TUFT1: variants seen among roughly 807,000 people sequenced by gnomAD.
TUFT1 encodes tuftelin 1.
A neutral mutation model predicts 57.8 loss-of-function variants in TUFT1; 43 were observed. The observed-to-expected ratio is 0.74, with a 90% CI of 0.58 to 0.96. The LOEUF (loss-of-function observed/expected upper bound fraction) is 0.96. Among genes scored for constraint, TUFT1 ranks in the 40% least tolerant of loss-of-function variants. TUFT1 has a pLI of 0.00. For synonymous variants in TUFT1, 166 were observed against 176.7 expected (o/e 0.94, Z 0.48); for missense variants, 459 against 489.0 (o/e 0.94, Z 0.58).
At chr1:151,560,958 G>T (rs202133798) in intron 1 of TUFT1, among the ~76,000 whole-genome samples, 23 of 9,272 alleles carry the variant, frequency 2.5e-3, no homozygotes, top group African/African-American at 3.4e-3. Flanking sequence ...GCAAAGTATT[G>T]TGTGTGTGTG....
chr1:151,557,876 G>A (rs547287473), intron 1 of TUFT1: 206 of 730,914 alleles, frequency 2.8e-4, no homozygotes, highest in Non-Finnish European at 4.7e-4. Context: ...GCTGGGGCTG[G>A]GTCAGCAACC....
chr1:151,565,123 C>T (rs1355290486), intron 5 of TUFT1: 1 of 152,790 alleles, frequency 6.5e-6, no homozygotes, highest in African/African-American at 2.4e-5. Flanking sequence ...GTTCACCCCA[C>T]CCCACCCCAC....
intron 1 of TUFT1, among the ~76,000 whole-genome samples, chr1:151,550,007 C>T (rs1395332215): frequency 6.6e-6 from 1 of 152,184 alleles, no homozygotes; most frequent in Non-Finnish European, 1.5e-5. Context: ...CAGGCGTGAG[C>T]CAACATGCCT....
intron 1 of TUFT1, among the ~76,000 whole-genome samples, chr1:151,556,155 G>A (rs1466288643): frequency 6.6e-6 from 1 of 152,192 alleles, no homozygotes; most frequent in Admixed American, 6.5e-5. Flanking sequence ...TCTGGAGAGT[G>A]TTGTTGCATG....
Position 151,566,163 on chromosome 1 carries a change from G to A in TUFT1, c.415G>A (p.Val139Met), listed in dbSNP as rs1666070372. The change falls in exon 6 of 13, where the codon GTG becomes ATG. Residue 139 changes from valine (V) to methionine (M), a missense_variant and splice_region_variant. By Grantham distance (21) the Val-to-Met change is conservative. Transcript: ENST00000368849. ...GDSLHRQEIQVVLEKPNGFSQ... is the reference protein window; with the variant it reads ...GDSLHRQEIQMVLEKPNGFSQ... ...ACCAATTTTATTTTTCTTTGAACAG[G>A]TGGTGCTAGAAAAGCCAAATGGCTT... 6.2e-7 allele frequency: 1 copy of A among 1,608,318 alleles called. No homozygotes were observed. Among genetic ancestry groups the A allele is most frequent in the Middle Eastern group, 1.8e-4 (1 of 5,652 alleles).
At chr1:151,579,089 T>C (rs1021254890) in intron 10 of TUFT1, among the ~76,000 whole-genome samples, 2 of 152,238 alleles carry the variant, frequency 1.3e-5, no homozygotes, top group African/African-American at 4.8e-5. Flanking sequence ...GTGAAGAGTG[T>C]GGGTAAATGA....
chr1:151,566,216 C>G lies in TUFT1; in HGVS notation c.468C>G (p.Ser156Arg). The change falls in exon 6 of 13, where the codon AGC becomes AGG. Residue 156 changes from serine to arginine, a missense_variant. By Grantham distance (110) the Ser-to-Arg change is moderately radical. Coordinates refer to ENST00000368849, the MANE Select transcript of TUFT1 (RefSeq NM_020127.3). ...GFSQSPTALY[S>R]SPPEVDTCIN... ...GTCAGAGTCCCACAGCCCTGTACAG[C>G]AGCCCACCTGAGGTAGGTAACAGAG... is the stretch of plus-strand genomic sequence containing the variant. 6.2e-7 allele frequency: 1 copy of G among 1,611,566 alleles called. No homozygotes were observed. The highest frequency in any genetic ancestry group is 1.1e-5 in the South Asian group (1 of 90,642).
intron 1 of TUFT1, chr1:151,561,571 C>T (rs1230978369): frequency 2.0e-6 from 2 of 984,748 alleles, no homozygotes; most frequent in Non-Finnish European, 2.4e-6. Flanking sequence ...TAGATGAATA[C>T]CTATTATCTT....
At chr1:151,553,812 C>G (rs1665587144) in intron 1 of TUFT1, among the ~76,000 whole-genome samples, 1 of 152,036 alleles carries the variant, frequency 6.6e-6, no homozygotes, top group Non-Finnish European at 1.5e-5. Context: ...CTGCTGAACA[C>G]TTCGTATTTT....
intron 1 of TUFT1, among the ~76,000 whole-genome samples, chr1:151,543,798 G>GC (rs1428143015): frequency 2.0e-5 from 3 of 150,890 alleles, no homozygotes; most frequent in Non-Finnish European, 4.4e-5. Context: ...TTGACTGATA[G>GC]GCCCCCCCCA....
chr1:151,568,906 A>G (rs1666162015), intron 6 of TUFT1, among the ~76,000 whole-genome samples: 1 of 152,218 alleles, frequency 6.6e-6, no homozygotes, highest in Admixed American at 6.5e-5. Flanking sequence ...GAAGGCCCAC[A>G]GGACTTCACT....
chr1:151,548,914 CCT>C lies in TUFT1; in HGVS notation c.60+8494_60+8495del, dbSNP rs745934730. ...GAGCCTGTGGTGTGAGAACTCTGCACCTCTCTCCTTATTTCCCTGGGGCCTCC... is the reference window on the plus strand; with the variant it reads ...GAGCCTGTGGTGTGAGAACTCTGCACCTCTCCTTATTTCCCTGGGGCCTCC... On this transcript the variant is annotated intron_variant, in intron 1 of 12. Coordinates refer to ENST00000368849, the MANE Select transcript of TUFT1 (RefSeq NM_020127.3). Among the ~76,000 whole-genome samples, 27 of 152,258 alleles carry C rather than the reference CCT, an allele frequency of 1.8e-4. 2 individuals carry two copies. The East Asian group carries it at 2.5e-3, about 14-fold the overall frequency.
At chr1:151,556,676 G>A (rs868378451) in intron 1 of TUFT1, among the ~76,000 whole-genome samples, 1 of 152,098 alleles carries the variant, frequency 6.6e-6, no homozygotes, top group African/African-American at 2.4e-5. Context: ...CTCCCAAAAT[G>A]CTGAGATTAC....
rs755592390 is a variant in TUFT1 at position 151,574,978 on chromosome 1, A to G, written c.791A>G (p.Asn264Ser). ...GCCCTAGAGGAACTTCGGAGCAACAATGCTGACTGCCAAGCAGAACGAGAA... is the reference window on the plus strand; with the variant it reads ...GCCCTAGAGGAACTTCGGAGCAACAGTGCTGACTGCCAAGCAGAACGAGAA... ...EVALEELRSN[N>S]ADCQAEREKA... is the part of the protein sequence containing the mutation. The change falls in exon 9 of 13, where the codon AAT becomes AGT. Residue 264 changes from asparagine (N) to serine (S), a missense_variant. By Grantham distance (46) the Asn-to-Ser change is conservative (BLOSUM62 1). Transcript: ENST00000368849. 3 of 1,571,138 alleles carry G rather than the reference A, an allele frequency of 1.9e-6. No individual in the cohort carries two copies. Among genetic ancestry groups the G allele is most frequent in the Admixed American group, 1.9e-5 (1 of 53,498 alleles).
chr1:151,540,330 T>A lies in TUFT1; in HGVS notation c.-37T>A. The A allele has an allele frequency of 6.2e-7, 1 of 1,613,218 alleles. No individual in the cohort carries two copies. Among genetic ancestry groups the A allele is most frequent in the Non-Finnish European group, 8.5e-7 (1 of 1,179,574 alleles). ...GCCCAGTTGGAGCCAGACAGCGGGG[T>A]GGACAAGTGGCGTGTGTGCTGCGAC... On this transcript the variant is annotated 5_prime_UTR_variant, in exon 1 of 13. Coordinates refer to ENST00000368849, the MANE Select transcript of TUFT1 (RefSeq NM_020127.3).
chr1:151,545,273 G>A (rs1471170683), intron 1 of TUFT1, among the ~76,000 whole-genome samples: 1 of 151,738 alleles, frequency 6.6e-6, no homozygotes, highest in Non-Finnish European at 1.5e-5. Context: ...TCACGCCATT[G>A]CACTCCAGCC....
Position 151,540,438 on chromosome 1 carries a change from C to T in TUFT1, c.60+12C>T, listed in dbSNP as rs1390990272. On this transcript the variant is annotated intron_variant, in intron 1 of 12. Transcript: ENST00000368849. ...AGGACCAGGCGGCGGTAAGAAAAAGCGCTCTCGCTGTCTTCTCCGTTTTGT... is the reference window on the plus strand; with the variant it reads ...AGGACCAGGCGGCGGTAAGAAAAAGTGCTCTCGCTGTCTTCTCCGTTTTGT... The T allele has an allele frequency of 1.2e-6, 2 of 1,614,080 alleles. No individual in the cohort carries two copies. The highest frequency in any genetic ancestry group is 1.7e-6 in the Non-Finnish European group (2 of 1,179,912).
intron 4 of TUFT1, 65 bp downstream of exon 4, chr1:151,564,055 CTG>C (rs1483917934): frequency 7.4e-7 from 1 of 1,343,836 alleles, no homozygotes; most frequent in Non-Finnish European, 1.0e-6. Flanking sequence ...TTTTTTGTGA[CTG>C]TCTTCTTTTG....
chr1:151,577,633 C>G (rs184052987), intron 9 of TUFT1, among the ~76,000 whole-genome samples: 18 of 152,224 alleles, frequency 1.2e-4, no homozygotes, highest in African/African-American at 4.3e-4. Flanking sequence ...ATCAGGAGAC[C>G]TAGAAACAAA....
Sources: gnomAD v4.1 joint callset for allele counts (sites outside exome capture counted in the v4.1 genomes callset) on GRCh38, gnomAD v4.1.1 for gene constraint, MANE v1.5 for transcripts, NCBI Gene and HGNC (gene_info 2026-07-23, HGNC 2026-07-21) for gene names.